Variants in GSK3B observed in about 807,000 individuals in gnomAD.
GSK3B encodes glycogen synthase kinase 3 beta.
GSK3B carries 15 observed loss-of-function variants against 56.4 expected under a neutral mutation model. The observed-to-expected ratio is 0.27, with a 90% CI of 0.18 to 0.41. The LOEUF is 0.41. Among genes scored for constraint, GSK3B ranks in the 10% least tolerant of loss-of-function variants. The pLI, the probability that GSK3B is intolerant of heterozygous loss-of-function variation, is 1.00. For missense variants in GSK3B, 300 were observed against 513.4 expected (o/e 0.58, Z 4.02); for synonymous variants, 181 against 188.9 (o/e 0.96, Z 0.34).
At chr3:120,093,254 C>A in intron 1 of GSK3B, 93 bp downstream of exon 1, 2 of 844,262 alleles carry the variant, frequency 2.4e-6, no homozygotes, top group Non-Finnish European at 4.0e-6. Context: ...GCCTGTTTAT[C>A]AGGAGGTCTA....
chr3:119,850,550 C>G (rs745471154), intron 9 of GSK3B, among the ~76,000 whole-genome samples: 1 of 152,118 alleles, frequency 6.6e-6, no homozygotes, highest in East Asian at 1.9e-4. Context: ...ATGGGCATTT[C>G]TATAGGGCTA....
intron 3 of GSK3B, among the ~76,000 whole-genome samples, chr3:119,937,692 A>G (rs527540200): frequency 2.4e-4 from 36 of 152,172 alleles, no homozygotes; most frequent in African/African-American, 8.2e-4. Flanking sequence ...CAAATCATTA[A>G]TCTAACTCTA....
intron 10 of GSK3B, among the ~76,000 whole-genome samples, chr3:119,828,796 G>A (rs1363135754): frequency 6.6e-6 from 1 of 152,096 alleles, no homozygotes; most frequent in Non-Finnish European, 1.5e-5. Flanking sequence ...CAGCCTTTGG[G>A]GAAGGAATGT....
intron 1 of GSK3B, among the ~76,000 whole-genome samples, chr3:120,005,349 C>G (rs2057717667): frequency 6.6e-6 from 1 of 152,184 alleles, no homozygotes; most frequent in Non-Finnish European, 1.5e-5. Flanking sequence ...TTAGAAACCA[C>G]TCTTAAGGAT....
intron 4 of GSK3B, among the ~76,000 whole-genome samples, chr3:119,922,133 G>A (rs1474795919): frequency 2.0e-5 from 3 of 150,558 alleles, no homozygotes; most frequent in Non-Finnish European, 4.4e-5. Flanking sequence ...TGAAATGAAG[G>A]AAGGAAGGAA....
At chr3:119,851,557 A>C (rs1326699741) in intron 9 of GSK3B, among the ~76,000 whole-genome samples, 1 of 152,198 alleles carries the variant, frequency 6.6e-6, no homozygotes, top group African/African-American at 2.4e-5. Context: ...TGTGAATCAG[A>C]GGGAAGAAAA....
chr3:120,079,378 C>T (rs1416967125), intron 1 of GSK3B, among the ~76,000 whole-genome samples: 2 of 149,658 alleles, frequency 1.3e-5, no homozygotes, highest in Non-Finnish European at 3.0e-5. Context: ...TAGACTACTG[C>T]CACAAGTAGA....
In GSK3B at chr3:119,825,035, T is replaced by C. The variant is rs2055480866; in HGVS notation, c.*1753A>G. On this transcript the variant is annotated 3_prime_UTR_variant, in exon 11 of 11. Coordinates refer to ENST00000264235, the MANE Select transcript of GSK3B (RefSeq NM_001146156.2). Reference sequence around the variant, plus strand: ...GGTGAGGGCAAGTTACACACAACCATGGGCTCAGCTCTGCAGCCCTACAGT... The same window carrying C: ...GGTGAGGGCAAGTTACACACAACCACGGGCTCAGCTCTGCAGCCCTACAGT... The C allele has an allele frequency of 5.2e-6, 1 of 190,876 alleles. No homozygotes were observed. 11.8% of individuals were successfully genotyped at this position (190,876 alleles called of 1,614,324 possible).
chr3:120,087,642 T>A (rs1194948057), intron 1 of GSK3B, among the ~76,000 whole-genome samples: 1 of 152,244 alleles, frequency 6.6e-6, no homozygotes, highest in African/African-American at 2.4e-5. Context: ...GGCTTTGTGC[T>A]GTTGTTAACC....
intron 1 of GSK3B, among the ~76,000 whole-genome samples, chr3:120,054,422 G>A (rs1001588635): frequency 6.6e-6 from 1 of 152,140 alleles, no homozygotes; most frequent in African/African-American, 2.4e-5. Flanking sequence ...TTTTTCCAAA[G>A]TCATCAATGC....
chr3:120,061,525 G>A (rs2058236726), intron 1 of GSK3B, among the ~76,000 whole-genome samples: 1 of 152,098 alleles, frequency 6.6e-6, no homozygotes, highest in Admixed American at 6.5e-5. Context: ...GTGTTAAGAA[G>A]ATTAAATAAA....
intron 10 of GSK3B, among the ~76,000 whole-genome samples, chr3:119,838,954 G>C (rs527589837): frequency 6.8e-5 from 10 of 146,822 alleles, no homozygotes; most frequent in African/African-American, 2.5e-4. Context: ...CACAACAAAA[G>C]GAAAGTTGAA....
At chr3:120,015,421 C>T (rs571615835) in intron 1 of GSK3B, among the ~76,000 whole-genome samples, 9 of 152,014 alleles carry the variant, frequency 5.9e-5, no homozygotes, top group Admixed American at 3.9e-4. Context: ...GAGGCCGAGG[C>T]GGGTGGATCA....
intron 8 of GSK3B, 152 bp from the exon 9 acceptor site, chr3:119,863,757 T>C (rs1484337069): frequency 1.7e-6 from 1 of 579,438 alleles, no homozygotes; most frequent in Admixed American, 3.0e-5. Flanking sequence ...TAAATGCATA[T>C]GATTCACAGG....
At chr3:120,042,846 G>A (rs769930253) in intron 1 of GSK3B, among the ~76,000 whole-genome samples, 1 of 152,132 alleles carries the variant, frequency 6.6e-6, no homozygotes, top group African/African-American at 2.4e-5. Context: ...TAGTTATAAA[G>A]ACTCAGTTGC....
intron 5 of GSK3B, among the ~76,000 whole-genome samples, chr3:119,914,538 T>A (rs1178475506): frequency 6.6e-6 from 1 of 152,092 alleles, no homozygotes; most frequent in East Asian, 1.9e-4. Flanking sequence ...ATAAAACATA[T>A]CTGATTTGGG....
intron 10 of GSK3B, among the ~76,000 whole-genome samples, chr3:119,842,923 T>A (rs2055796519): frequency 6.7e-6 from 1 of 150,184 alleles, no homozygotes; most frequent in Admixed American, 6.7e-5. Flanking sequence ...AAAACAGAAT[T>A]TTTTTTTTTT....
At position 120,009,477 on chromosome 3, in the gene GSK3B, T is replaced by C. The variant is rs913735396; in HGVS notation, c.89-7238A>G. 6.6e-5 allele frequency among the ~76,000 whole-genome samples: 10 copies of C among 152,252 alleles called. No homozygotes were observed. The East Asian group carries it at 1.9e-3, about 29-fold the overall frequency. ...GACTGGATTAAGAAAATTTGGCACA[T>C]ATACATCATGGAATACTATGCCGCC... is the stretch of plus-strand genomic sequence containing the variant. On this transcript the variant is annotated intron_variant, in intron 1 of 10. Coordinates refer to ENST00000264235, the MANE Select transcript of GSK3B (RefSeq NM_001146156.2).
At chr3:119,853,148 CCAGT>C (rs2055962950) in intron 9 of GSK3B, among the ~76,000 whole-genome samples, 1 of 152,200 alleles carries the variant, frequency 6.6e-6, no homozygotes, top group Non-Finnish European at 1.5e-5. Context: ...ATATGGCTAG[CCAGT>C]TTTCCCGGCA....
Sources: gnomAD v4.1 joint callset for allele counts (sites outside exome capture counted in the v4.1 genomes callset) on GRCh38, gnomAD v4.1.1 for gene constraint, MANE v1.5 for transcripts, NCBI Gene and HGNC (gene_info 2026-07-23, HGNC 2026-07-21) for gene names.